NEK4: variants seen among roughly 807,000 people sequenced by gnomAD.
NEK4 encodes the protein NIMA related kinase 4, also known as serine/threonine-protein kinase Nek4.
NEK4 carries 86 observed loss-of-function variants against 98.4 expected under a neutral mutation model. That is an observed-to-expected ratio of 0.87 (90% CI 0.73 to 1.05). NEK4 has a LOEUF of 1.05. Ranked by LOEUF, NEK4 falls within the 50% of genes least tolerant of loss-of-function variation. The pLI is 0.00. For synonymous variants in NEK4, 328 were observed against 342.2 expected (o/e 0.96, Z 0.46); for missense variants, 898 against 950.3 (o/e 0.94, Z 0.72).
At chr3:52,757,968 G>C (rs559593637) in intron 6 of NEK4, among the ~76,000 whole-genome samples, 2 of 152,180 alleles carry the variant, frequency 1.3e-5, no homozygotes, top group Non-Finnish European at 2.9e-5. Flanking sequence ...CTGAGGTCAG[G>C]AGTTCAAGAC....
chr3:52,713,661 G>A (rs2097352406), intron 15 of NEK4, among the ~76,000 whole-genome samples: 1 of 152,070 alleles, frequency 6.6e-6, no homozygotes, highest in African/African-American at 2.4e-5. Context: ...GGGCATGGTG[G>A]CGCATGCCTG....
At chr3:52,754,114 A>G in intron 6 of NEK4, 3 of 256,078 alleles carry the variant, frequency 1.2e-5, no homozygotes, top group South Asian at 4.7e-5. Context: ...GTGAGCCAAG[A>G]TCGCACCACT....
chr3:52,747,930 G>A (rs937736164), intron 8 of NEK4, among the ~76,000 whole-genome samples: 3 of 150,728 alleles, frequency 2.0e-5, no homozygotes, highest in Non-Finnish European at 4.4e-5. Context: ...GGGTGACACA[G>A]CAAGAGTGTC....
chr3:52,764,402 C>T (rs1351122773), intron 4 of NEK4, among the ~76,000 whole-genome samples: 4 of 151,552 alleles, frequency 2.6e-5, no homozygotes, highest in South Asian at 4.2e-4. Context: ...GAGGCCGAGG[C>T]GGGTGGATCA....
chr3:52,725,410 G>A (rs1358455947), intron 15 of NEK4, among the ~76,000 whole-genome samples: 2 of 152,094 alleles, frequency 1.3e-5, no homozygotes, highest in Non-Finnish European at 1.5e-5. Flanking sequence ...AGCTACTCGG[G>A]AGGCTGAGGC....
At chr3:52,732,276 C>T (rs1201791720) in intron 15 of NEK4, among the ~76,000 whole-genome samples, 4 of 152,172 alleles carry the variant, frequency 2.6e-5, no homozygotes, top group African/African-American at 9.7e-5. Context: ...TCACTGCAAG[C>T]TCCGCCTCCT....
At position 52,709,377 on chromosome 3, in the gene NEK4, A is replaced by G. The variant is rs193267983; in HGVS notation, c.*2400T>C. ...AAAAGTGGGAAGAAAAGATGTTTAA[A>G]CAAAATAAAAATATACAGTATGGTA... On this transcript the variant is annotated 3_prime_UTR_variant, in exon 16 of 16. Coordinates refer to ENST00000233027, the MANE Select transcript of NEK4 (RefSeq NM_003157.6). 4 of 152,240 alleles carry G rather than the reference A, an allele frequency of 2.6e-5. No individual in the cohort carries two copies. Among genetic ancestry groups the G allele is most frequent in the African/African-American group, 9.6e-5 (4 of 41,532 alleles). The allele number at this position is 152,240 out of a possible 1,614,324, so 9.4% of individuals were successfully genotyped here. A position where few individuals can be genotyped will look rare whatever the true frequency, so the allele number is the denominator to read the frequency against.
At position 52,708,511 on chromosome 3, in the gene NEK4, C is replaced by CTAT. The variant is rs2097346811; in HGVS notation, c.*3263_*3265dup. On this transcript the variant is annotated 3_prime_UTR_variant, in exon 16 of 16. Coordinates refer to ENST00000233027, the MANE Select transcript of NEK4 (RefSeq NM_003157.6). ...TACAATATGGTGCCACTAGACACGT[C>CTAT]TATTTAATTAAAATTAAAATATAAA... is the stretch of plus-strand genomic sequence containing the variant. 1 of 152,138 alleles carries CTAT rather than the reference C, an allele frequency of 6.6e-6. No homozygotes were observed. Among genetic ancestry groups the CTAT allele is most frequent in the Admixed American group, 6.5e-5 (1 of 15,272 alleles). 9.4% of individuals were successfully genotyped at this position (152,138 alleles called of 1,614,324 possible).
Position 52,739,486 on chromosome 3 carries a change from G to C in NEK4, c.2242C>G (p.Leu748Val). The C allele has an allele frequency of 6.2e-7, 1 of 1,614,118 alleles. No individual in the cohort carries two copies. ...GCCTCTTCTGCAACCTTCCCATGAA[G>C]TATCAGTGTGTCCCGATATTTCCGA... ...LHRKYRDTLI[L>V]HGKVAEEAEE... The change falls in exon 14 of 16, where the codon CTT (leucine) becomes GTT (valine). Residue 748 changes from leucine to valine, a missense_variant. Transcript: ENST00000233027.
intron 15 of NEK4, among the ~76,000 whole-genome samples, chr3:52,715,336 G>A (rs772911276): frequency 2.6e-5 from 4 of 152,144 alleles, no homozygotes; most frequent in Admixed American, 6.5e-5. Context: ...AATACTCCAC[G>A]AGACACCCTG....
At position 52,711,879 on chromosome 3, in the gene NEK4, A is replaced by G; in HGVS notation, c.2434-10T>C. ...GCTCCCGCAAACGTACCTATTTGAG[A>G]AACAAAAAGAAAATCAATCAGTATG... On this transcript the variant is annotated splice_polypyrimidine_tract_variant and intron_variant, in intron 15 of 15. Transcript: ENST00000233027. 6.6e-7 allele frequency: 1 copy of G among 1,523,410 alleles called. No homozygotes were observed. Among genetic ancestry groups the G allele is most frequent in the Non-Finnish European group, 9.1e-7 (1 of 1,101,380 alleles). The allele number at this position is 1,523,410 out of a possible 1,614,324, so 94.4% of individuals were successfully genotyped here.
intron 13 of NEK4, 61 bp downstream of exon 13, chr3:52,741,350 C>T (rs2097385726): frequency 7.2e-6 from 7 of 969,500 alleles, no homozygotes; most frequent in South Asian, 2.7e-5. Context: ...TGAAAATGCA[C>T]ATTTAATATT....
intron 6 of NEK4, chr3:52,754,809 C>T (rs1298402160): frequency 1.3e-5 from 4 of 310,450 alleles, no homozygotes; most frequent in Non-Finnish European, 2.6e-5. Flanking sequence ...CACCGTGGCT[C>T]ATGCCTGTAA....
At chr3:52,727,833 T>C (rs2097365950) in intron 15 of NEK4, among the ~76,000 whole-genome samples, 1 of 152,056 alleles carries the variant, frequency 6.6e-6, no homozygotes, top group Admixed American at 6.6e-5. Context: ...AATTAGAAAA[T>C]ACTTAGAGAC....
chr3:52,770,613 C>T (rs1261017541), intron 1 of NEK4, 41 bp downstream of exon 1: 1 of 1,479,452 alleles, frequency 6.8e-7, no homozygotes, highest in Non-Finnish European at 9.2e-7. Context: ...CGGCGCACTT[C>T]TGCCCGCCCC....
At chr3:52,731,630 C>T (rs2079929) in intron 15 of NEK4, among the ~76,000 whole-genome samples, 69,342 of 152,042 alleles carry the variant, frequency 0.46, 16,136 homozygotes, top group Admixed American at 0.52. Flanking sequence ...TCATGCCATA[C>T]GCAAGAATTA....
chr3:52,754,943 A>G (rs6414570), intron 6 of NEK4, among the ~76,000 whole-genome samples: 69,029 of 151,402 alleles, frequency 0.46, 16,044 homozygotes, highest in Admixed American at 0.52. Flanking sequence ...GCGCGGTGGC[A>G]GGCGCCTGTA....
intron 15 of NEK4, among the ~76,000 whole-genome samples, chr3:52,736,958 A>G (rs934539909): frequency 2.6e-4 from 39 of 152,138 alleles, no homozygotes; most frequent in Non-Finnish European, 8.8e-5. Flanking sequence ...TTTTTTTGAG[A>G]CAGAGTCTTG....
intron 4 of NEK4, among the ~76,000 whole-genome samples, chr3:52,764,780 A>ACACACACACACACATG (rs1698492682): frequency 1.9e-5 from 1 of 51,728 alleles, no homozygotes; most frequent in African/African-American, 7.4e-5. Context: ...ACACACATGC[A>ACACACACACACACATG]CACACACACA....
Sources: gnomAD v4.1 joint callset for allele counts (sites outside exome capture counted in the v4.1 genomes callset) on GRCh38, gnomAD v4.1.1 for gene constraint, MANE v1.5 for transcripts, NCBI Gene and HGNC (gene_info 2026-07-23, HGNC 2026-07-21) for gene names.